The following ZNF395 variants were observed in gnomAD, a reference collection of about 807,000 sequenced individuals.
ZNF395 encodes HD gene regulatory region-binding protein 2.
A neutral mutation model predicts 57.7 loss-of-function variants in ZNF395; 20 were observed. That is an observed-to-expected ratio of 0.35 (90% CI 0.24 to 0.50). The LOEUF (loss-of-function observed/expected upper bound fraction) is 0.50. ZNF395 is among the 20% of genes least tolerant of loss of function. The probability of loss-of-function intolerance (pLI) is 0.97; values close to 1 mark genes in which losing one functional copy is unlikely to be tolerated. For missense variants in ZNF395, 606 were observed against 671.2 expected (o/e 0.90, Z 1.07); for synonymous variants, 295 against 275.9 (o/e 1.07, Z -0.69).
chr8:28,362,104 A>G (rs1801857260), intron 1 of ZNF395, among the ~76,000 whole-genome samples: 1 of 151,868 alleles, frequency 6.6e-6, no homozygotes, highest in Admixed American at 6.6e-5. Flanking sequence ...AAAAAAAAAA[A>G]AGAAAGAAAA....
intron 1 of ZNF395, among the ~76,000 whole-genome samples, chr8:28,372,575 T>C (rs1207495621): frequency 6.6e-6 from 1 of 152,122 alleles, no homozygotes; most frequent in East Asian, 1.9e-4. Context: ...TGGCTTGAGC[T>C]CAGGAGTTCA....
intron 1 of ZNF395, among the ~76,000 whole-genome samples, chr8:28,369,092 T>TC (rs1314398390): frequency 5.3e-5 from 8 of 151,176 alleles, no homozygotes; most frequent in African/African-American, 1.7e-4. Flanking sequence ...CACCTCGGCC[T>TC]CCCAAAGTGC....
chr8:28,381,014 A>AGTGTGTGTGTGTGTGT (rs10561721), intron 1 of ZNF395, among the ~76,000 whole-genome samples: 15 of 134,210 alleles, frequency 1.1e-4, no homozygotes, highest in East Asian at 6.8e-4. Flanking sequence ...ACACCCTGCT[A>AGTGTGTGTGTGTGTGT]GTGTGTGTGT....
intron 1 of ZNF395, among the ~76,000 whole-genome samples, chr8:28,363,504 C>T (rs1437864650): frequency 6.6e-6 from 1 of 152,060 alleles, no homozygotes; most frequent in Non-Finnish European, 1.5e-5. Context: ...AATGGAGCAC[C>T]TCTAACTCTC....
chr8:28,356,540 T>C lies in ZNF395; in HGVS notation c.583+130A>G, dbSNP rs1373423592. ...TCCATGGCATGCAGCCGGTCAGAGG[T>C]GCCAGTGGGAGGTGTCCCTGGACAT... On this transcript the variant is annotated intron_variant, in intron 4 of 9. Coordinates refer to ENST00000344423, the MANE Select transcript of ZNF395 (RefSeq NM_018660.3). This position sits in a 1 kb window ranked among gnomAD's most constrained non-coding sequence, Gnocchi z 4.0. 1.6e-6 allele frequency: 1 copy of C among 625,270 alleles called. No individual in the cohort carries two copies. Among genetic ancestry groups the C allele is most frequent in the Non-Finnish European group, 2.8e-6 (1 of 356,990 alleles). The allele number at this position is 625,270 out of a possible 1,614,324, so 38.7% of individuals were successfully genotyped here. A position where few individuals can be genotyped will look rare whatever the true frequency, so the allele number is the denominator to read the frequency against.
chr8:28,360,097 T>A (rs916121289), intron 2 of ZNF395, among the ~76,000 whole-genome samples: 1 of 152,340 alleles, frequency 6.6e-6, no homozygotes, highest in East Asian at 1.9e-4. Flanking sequence ...GAATCTAGAA[T>A]CTGTGCTCAT....
At chr8:28,371,033 C>T (rs1431436614) in intron 1 of ZNF395, among the ~76,000 whole-genome samples, 2 of 152,218 alleles carry the variant, frequency 1.3e-5, no homozygotes, top group African/African-American at 4.8e-5. Context: ...TAATCCCCCA[C>T]AAATAACCCA....
intron 1 of ZNF395, among the ~76,000 whole-genome samples, chr8:28,377,366 T>C (rs1372663498): frequency 6.6e-6 from 1 of 152,232 alleles, no homozygotes; most frequent in Admixed American, 6.5e-5. Flanking sequence ...ATTGCGCCAC[T>C]GCATTCCAGC....
rs1801594838 is a variant in ZNF395 at position 28,345,935 on chromosome 8, T to C, written c.*2784A>G. The C allele has an allele frequency of 6.6e-6, 1 of 152,144 alleles. No individual in the cohort carries two copies. Among genetic ancestry groups the C allele is most frequent in the South Asian group, 2.1e-4 (1 of 4,818 alleles). The allele number at this position is 152,144 out of a possible 1,614,324, so 9.4% of individuals were successfully genotyped here. On this transcript the variant is annotated 3_prime_UTR_variant, in exon 10 of 10. Transcript: ENST00000344423. The stretch of plus-strand genomic sequence containing the variant: ...CCATGGCTCAAAACACTCTCTGAAA[T>C]TACAAAATTGCTTTCTGAGCCAATT...
intron 1 of ZNF395, among the ~76,000 whole-genome samples, chr8:28,382,319 A>G (rs1802119004): frequency 6.6e-6 from 1 of 152,106 alleles, no homozygotes; most frequent in African/African-American, 2.4e-5. Flanking sequence ...ACACATCCAT[A>G]TGCTTAAAAC....
At chr8:28,361,299 GTGATATCCATTCCTAGTA>G in intron 1 of ZNF395, 117 bp from the exon 2 acceptor site, 1 of 853,450 alleles carries the variant, frequency 1.2e-6, no homozygotes, top group Non-Finnish European at 1.8e-6. Flanking sequence ...TTTTACAAAA[GTGATATCCATTCCTAGTA>G]GGACAATCGG....
intron 8 of ZNF395, among the ~76,000 whole-genome samples, chr8:28,349,774 G>A (rs1360038099): frequency 6.6e-6 from 1 of 152,202 alleles, no homozygotes; most frequent in South Asian, 2.1e-4. Flanking sequence ...GGAGCTGATG[G>A]GGCAACTGAC....
Position 28,349,153 on chromosome 8 carries a change from A to G in ZNF395, c.1402T>C (p.Ser468Pro). Residue 468 changes from serine to proline, a missense_variant, in exon 9 of 10, where the codon TCT becomes CCT. By Grantham distance (74) the Ser-to-Pro change is moderately conservative. Around this residue, in one of 3 missense-constraint regions of ZNF395, gnomAD observed 261 missense variants for 240.3 expected, o/e 1.09. Coordinates refer to ENST00000344423, the MANE Select transcript of ZNF395 (RefSeq NM_018660.3). ...PAMKSHLIVT[S>P]PPRAQSGARK... Reference sequence around the variant, plus strand: ...GCACCACTCTGGGCCCGGGGTGGAGAAGTGACGATCAGATGAGATTTCATC... The same window carrying G: ...GCACCACTCTGGGCCCGGGGTGGAGGAGTGACGATCAGATGAGATTTCATC... The G allele has an allele frequency of 6.4e-7, 1 of 1,566,136 alleles. No individual in the cohort carries two copies. The highest frequency in any genetic ancestry group is 8.6e-7 in the Non-Finnish European group (1 of 1,157,852).
At position 28,352,766 on chromosome 8, in the gene ZNF395, C is replaced by G; in HGVS notation, c.820-93G>C. 9.3e-7 allele frequency: 1 copy of G among 1,080,546 alleles called. No homozygotes were observed. The highest frequency in any genetic ancestry group is 2.1e-5 in the Admixed American group (1 of 47,226). 66.9% of individuals were successfully genotyped at this position (1,080,546 alleles called of 1,614,324 possible). The stretch of plus-strand genomic sequence containing the variant: ...TGGGGACTCAAACTGGCTGCTGTCC[C>G]CGGCCTGACCCAACAAAAACCTCCA... On this transcript the variant is annotated intron_variant, in intron 5 of 9. Coordinates refer to ENST00000344423, the MANE Select transcript of ZNF395 (RefSeq NM_018660.3). The surrounding 1 kb of genome is among the most constrained non-coding windows in gnomAD (Gnocchi z 4.0).
At chr8:28,365,979 A>G (rs1801905569) in intron 1 of ZNF395, among the ~76,000 whole-genome samples, 1 of 152,220 alleles carries the variant, frequency 6.6e-6, no homozygotes, top group African/African-American at 2.4e-5. Context: ...GCACACACAC[A>G]CGCACGGTGG....
Position 28,359,320 on chromosome 8 carries a change from T to C in ZNF395, c.473+272A>G, listed in dbSNP as rs1410905609. On this transcript the variant is annotated intron_variant, in intron 3 of 9. Transcript: ENST00000344423. The surrounding 1 kb of genome is among the most constrained non-coding windows in gnomAD (Gnocchi z 4.7). ...GGGAGGCTGAAGTGGAAGAATCGCGTGAACACAGGAGGCAGAGGTTGCAGT... is the reference window on the plus strand; with the variant it reads ...GGGAGGCTGAAGTGGAAGAATCGCGCGAACACAGGAGGCAGAGGTTGCAGT... Among the ~76,000 whole-genome samples the C allele has an allele frequency of 1.3e-5, 2 of 152,074 alleles. No individual in the cohort carries two copies. Among genetic ancestry groups the C allele is most frequent in the Non-Finnish European group, 2.9e-5 (2 of 67,998 alleles).
At chr8:28,381,675 T>C (rs536597804) in intron 1 of ZNF395, among the ~76,000 whole-genome samples, 1 of 152,194 alleles carries the variant, frequency 6.6e-6, no homozygotes, top group South Asian at 2.1e-4. Context: ...TGGGAGCCAT[T>C]TGGATCAATA....
chr8:28,375,257 C>A (rs927219577), intron 1 of ZNF395: 2 of 152,146 alleles, frequency 1.3e-5, no homozygotes, highest in Non-Finnish European at 2.9e-5. Flanking sequence ...TGTGGTGGCA[C>A]CTACCTGTGG....
intron 1 of ZNF395, among the ~76,000 whole-genome samples, chr8:28,373,790 G>A (rs779586441): frequency 3.3e-5 from 5 of 152,064 alleles, no homozygotes; most frequent in South Asian, 2.1e-4. Flanking sequence ...CTGTGAGGCC[G>A]GTGAGCATCC....
Sources: allele counts gnomAD v4.1 joint callset (sites outside exome capture counted in the v4.1 genomes callset), GRCh38; gene constraint gnomAD v4.1.1; regional missense constraint gnomAD v4.1.1; non-coding constraint Gnocchi (gnomAD v3.1); transcripts MANE v1.5; gene names NCBI Gene and HGNC (gene_info 2026-07-23, HGNC 2026-07-21).